STXBP6: variants seen among roughly 807,000 people sequenced by gnomAD.
STXBP6 encodes syntaxin binding protein 6.
In STXBP6, 21 loss-of-function variants were observed where a neutral mutation model predicts 26.9. The observed-to-expected ratio is 0.78, with a 90% confidence interval of 0.55 to 1.12. STXBP6 has a LOEUF of 1.12. STXBP6 is among the 50% of genes most tolerant of loss of function. The pLI is 0.00. For synonymous variants in STXBP6, 97 were observed against 92.6 expected (o/e 1.05, Z -0.27); for missense variants, 232 against 257.9 (o/e 0.90, Z 0.69).
chr14:24,895,097 G>A (rs562802567), intron 2 of STXBP6, among the ~76,000 whole-genome samples: 1 of 152,234 alleles, frequency 6.6e-6, no homozygotes, highest in African/African-American at 2.4e-5. Flanking sequence ...TGGTCCACGT[G>A]TTAAGCTACT....
intron 1 of STXBP6, among the ~76,000 whole-genome samples, chr14:24,999,973 A>G (rs963620000): frequency 1.3e-5 from 2 of 152,196 alleles, no homozygotes; most frequent in Non-Finnish European, 2.9e-5. Context: ...TTGGTTACAA[A>G]TTATACGAGT....
intron 4 of STXBP6, 100 bp downstream of exon 4, chr14:24,855,833 TCTC>T: frequency 9.1e-7 from 1 of 1,097,856 alleles, no homozygotes; most frequent in Non-Finnish European, 1.3e-6. Flanking sequence ...TATTGATTCT[TCTC>T]CTGTTTTTGT....
intron 1 of STXBP6, among the ~76,000 whole-genome samples, chr14:25,002,510 C>T (rs967916504): frequency 1.3e-5 from 2 of 152,006 alleles, no homozygotes; most frequent in Non-Finnish European, 2.9e-5. Context: ...TAGGCACGTG[C>T]CACCACAGCC....
intron 1 of STXBP6, among the ~76,000 whole-genome samples, chr14:24,997,542 A>G (rs139300957): frequency 1.3e-5 from 2 of 152,114 alleles, no homozygotes; most frequent in East Asian, 3.9e-4. Context: ...TAAGCCATAA[A>G]CTCCTAGTGC....
intron 2 of STXBP6, among the ~76,000 whole-genome samples, chr14:24,952,382 T>C (rs563805349): frequency 5.9e-5 from 9 of 152,072 alleles, no homozygotes; most frequent in South Asian, 2.1e-4. Context: ...AATACAGTTA[T>C]CAAATATTCA....
intron 2 of STXBP6, among the ~76,000 whole-genome samples, chr14:24,931,147 A>C (rs1461515707): frequency 7.2e-6 from 1 of 138,542 alleles, no homozygotes; most frequent in Non-Finnish European, 1.5e-5. Flanking sequence ...AAAAAACCCA[A>C]ACACCACATG....
At chr14:24,877,532 C>T (rs910145439) in intron 2 of STXBP6, among the ~76,000 whole-genome samples, 7 of 152,066 alleles carry the variant, frequency 4.6e-5, no homozygotes, top group African/African-American at 9.7e-5. Context: ...TTCCTCCCTC[C>T]TTCCCTCTTT....
chr14:25,019,009 G>A lies in STXBP6; in HGVS notation c.-33+30869C>T, dbSNP rs190744678. On this transcript the variant is annotated intron_variant, in intron 1 of 5. Coordinates refer to ENST00000323944, the MANE Select transcript of STXBP6 (RefSeq NM_001394410.1). ...CTGTTGAGCCCAAGAAGCAATACTC[G>A]GTAGGCTTCTACCTCATCTTCCACA... Among the ~76,000 whole-genome samples, 21 of 152,212 alleles carry A rather than the reference G, an allele frequency of 1.4e-4. No individual in the cohort carries two copies. The East Asian group carries it at 3.3e-3, about 24-fold the overall frequency.
chr14:24,880,900 C>T (rs1193567469), intron 2 of STXBP6, among the ~76,000 whole-genome samples: 1 of 152,166 alleles, frequency 6.6e-6, no homozygotes, highest in Non-Finnish European at 1.5e-5. Context: ...TCAGATGAGT[C>T]ACATTTCATA....
intron 2 of STXBP6, among the ~76,000 whole-genome samples, chr14:24,945,510 G>C (rs1217171289): frequency 6.6e-6 from 1 of 151,928 alleles, no homozygotes; most frequent in African/African-American, 2.4e-5. Context: ...TTTGAGGCTG[G>C]AGTAAGCTAT....
In STXBP6 at chr14:25,049,485, C is replaced by T. The variant is rs1026157887; in HGVS notation, c.-33+393G>A. ...GAGGCGCAGCGACCCCGAGCTCCCC[C>T]ACACTGGGAGCCTCGGGGCAGCATT... On this transcript the variant is annotated intron_variant, in intron 1 of 5. Transcript: ENST00000323944. The surrounding 1 kb of genome is among the most constrained non-coding windows in gnomAD (Gnocchi z 5.6). 7 of 985,270 alleles carry T rather than the reference C, an allele frequency of 7.1e-6. No individual in the cohort carries two copies. Among genetic ancestry groups the T allele is most frequent in the Non-Finnish European group, 8.4e-6 (7 of 829,942 alleles). 61.0% of individuals were successfully genotyped at this position (985,270 alleles called of 1,614,324 possible).
intron 2 of STXBP6, among the ~76,000 whole-genome samples, chr14:24,868,841 T>C (rs1422974755): frequency 6.6e-6 from 1 of 152,186 alleles, no homozygotes; most frequent in Admixed American, 6.5e-5. Context: ...TTCATTGCAG[T>C]TGACTCTCCA....
At chr14:24,932,408 C>A (rs1230516665) in intron 2 of STXBP6, among the ~76,000 whole-genome samples, 1 of 151,986 alleles carries the variant, frequency 6.6e-6, no homozygotes, top group Non-Finnish European at 1.5e-5. Flanking sequence ...CTATGTTGGG[C>A]CATTCAGGGA....
At chr14:24,872,875 T>C (rs1221677641) in intron 2 of STXBP6, among the ~76,000 whole-genome samples, 2 of 152,228 alleles carry the variant, frequency 1.3e-5, no homozygotes, top group South Asian at 2.1e-4. Context: ...CTCACACTTC[T>C]TGCCTTTCCC....
intron 2 of STXBP6, among the ~76,000 whole-genome samples, chr14:24,961,286 G>T (rs1426459352): frequency 6.6e-6 from 1 of 152,052 alleles, no homozygotes; most frequent in Non-Finnish European, 1.5e-5. Context: ...TGGGAGAAGG[G>T]AGAGGAACAG....
intron 4 of STXBP6, among the ~76,000 whole-genome samples, chr14:24,824,116 T>A (rs974343916): frequency 2.0e-5 from 3 of 152,200 alleles, no homozygotes. Flanking sequence ...TAAGACATGT[T>A]TTTTTCTTTT....
rs552099336 is a variant in STXBP6, at chr14:24,904,784, C to T, written c.155-47627G>A. Among the ~76,000 whole-genome samples the T allele has an allele frequency of 3.9e-4, 60 of 152,246 alleles. 1 individual carries two copies. The Middle Eastern group carries it at 0.017, about 43-fold the overall frequency. On this transcript the variant is annotated intron_variant, in intron 2 of 5. Transcript: ENST00000323944. The stretch of plus-strand genomic sequence containing the variant: ...CACCCTGACCTTGGACTTCCAGCCT[C>T]CAGAACTGGAAGAAAAATTTCTGTT...
chr14:24,955,254 T>C (rs978741737), intron 2 of STXBP6, among the ~76,000 whole-genome samples: 3 of 152,136 alleles, frequency 2.0e-5, no homozygotes, highest in African/African-American at 4.8e-5. Flanking sequence ...CCTGTTAGAT[T>C]GATGTTAGAG....
chr14:24,929,289 C>T lies in STXBP6; in HGVS notation c.154+45376G>A, dbSNP rs552112334. Among the ~76,000 whole-genome samples, 64 of 152,294 alleles carry T rather than the reference C, an allele frequency of 4.2e-4. 1 individual carries two copies. The highest frequency in any genetic ancestry group is 1.5e-3 in the African/African-American group (62 of 41,572). ...AGTCTTCCAATTCTCTGGACACTTACCCTTGCATTTTCCATTACAACTTTC... is the reference window on the plus strand; with the variant it reads ...AGTCTTCCAATTCTCTGGACACTTATCCTTGCATTTTCCATTACAACTTTC... On this transcript the variant is annotated intron_variant, in intron 2 of 5. Coordinates refer to ENST00000323944, the MANE Select transcript of STXBP6 (RefSeq NM_001394410.1).
Sources: gnomAD v4.1 joint callset for allele counts (sites outside exome capture counted in the v4.1 genomes callset) on GRCh38, gnomAD v4.1.1 for gene constraint, Gnocchi (gnomAD v3.1) non-coding constraint, MANE v1.5 for transcripts, NCBI Gene and HGNC (gene_info 2026-07-23, HGNC 2026-07-21) for gene names.